The following KCNT2 variants were observed in gnomAD, a reference collection of about 807,000 sequenced individuals.
The protein encoded by KCNT2 is potassium sodium-activated channel subfamily T member 2.
Under a neutral mutation model 153.8 loss-of-function variants are expected in KCNT2, and 67 were observed. The ratio of observed to expected loss-of-function variants is 0.44; its 90% CI spans 0.36 to 0.53. The LOEUF (loss-of-function observed/expected upper bound fraction) is 0.53, where lower values mean the gene tolerates loss of function less well. KCNT2 is among the 20% of genes least tolerant of loss of function. The pLI, the probability that KCNT2 is intolerant of heterozygous loss-of-function variation, is 0.00. For missense variants in KCNT2, 975 were observed against 1,354.8 expected (o/e 0.72, Z 4.40); for synonymous variants, 500 against 458.8 (o/e 1.09, Z -1.15).
At chr1:196,329,054 A>T (rs1173845318) in intron 18 of KCNT2, among the ~76,000 whole-genome samples, 1 of 152,146 alleles carries the variant, frequency 6.6e-6, no homozygotes, top group Non-Finnish European at 1.5e-5. Context: ...TTCCCTAAGG[A>T]GATTTAGAAA....
chr1:196,479,776 C>T (rs993570974), intron 4 of KCNT2, among the ~76,000 whole-genome samples: 4 of 152,166 alleles, frequency 2.6e-5, no homozygotes, highest in African/African-American at 9.7e-5. Context: ...CACTCTATCC[C>T]AGAAGCATGA....
Position 196,227,320 on chromosome 1 carries a change from T to C in KCNT2, c.*904A>G, listed in dbSNP as rs1039806863. ...AAAGAATTTTTCTAGTGAAATTTAC[T>C]ATATAGATATATGAATAGGAAAGAT... On this transcript the variant is annotated 3_prime_UTR_variant, in exon 28 of 28. Transcript: ENST00000294725. 6.6e-6 allele frequency: 1 copy of C among 152,068 alleles called. No homozygotes were observed. Among genetic ancestry groups the C allele is most frequent in the Non-Finnish European group, 1.5e-5 (1 of 67,910 alleles). The allele number at this position is 152,068 out of a possible 1,614,324, so 9.4% of individuals were successfully genotyped here. A position where few individuals can be genotyped will look rare whatever the true frequency, so the allele number is the denominator to read the frequency against.
chr1:196,283,386 G>A (rs1273387537), intron 23 of KCNT2, among the ~76,000 whole-genome samples: 1 of 152,022 alleles, frequency 6.6e-6, no homozygotes, highest in Non-Finnish European at 1.5e-5. Context: ...AGTGAGCCAA[G>A]ACCACGCCAC....
chr1:196,505,311 A>G (rs185653215), intron 1 of KCNT2, among the ~76,000 whole-genome samples: 8,797 of 152,256 alleles, frequency 0.058, 396 homozygotes, highest in Non-Finnish European at 0.085. Flanking sequence ...ATGGCTAACC[A>G]GTTTTCCCGG....
intron 13 of KCNT2, among the ~76,000 whole-genome samples, chr1:196,381,769 AAC>A (rs1491512965): frequency 2.4e-4 from 36 of 152,114 alleles, no homozygotes; most frequent in African/African-American, 6.8e-4. Context: ...TGACTGAGAA[AAC>A]ACAACCACCA....
At chr1:196,276,440 A>G (rs1056827975) in intron 25 of KCNT2, among the ~76,000 whole-genome samples, 1 of 152,028 alleles carries the variant, frequency 6.6e-6, no homozygotes, top group Non-Finnish European at 1.5e-5. Context: ...AATTTAAAAC[A>G]TTGAGATGCA....
intron 1 of KCNT2, among the ~76,000 whole-genome samples, chr1:196,528,862 A>G (rs1654581740): frequency 6.6e-6 from 1 of 152,166 alleles, no homozygotes; most frequent in African/African-American, 2.4e-5. Context: ...AGCTATTCTA[A>G]TCATTCAAGG....
intron 8 of KCNT2, among the ~76,000 whole-genome samples, chr1:196,453,412 C>A (rs1676390491): frequency 6.6e-6 from 1 of 151,908 alleles, no homozygotes. Context: ...ATACTGACAA[C>A]TTCATCATTT....
chr1:196,262,511 T>A (rs971267048), intron 25 of KCNT2, among the ~76,000 whole-genome samples: 1 of 151,972 alleles, frequency 6.6e-6, no homozygotes. Context: ...TTATCTGATA[T>A]TTTCCATTAA....
chr1:196,262,439 TAAA>T (rs781118954), intron 25 of KCNT2, among the ~76,000 whole-genome samples: 11 of 152,020 alleles, frequency 7.2e-5, no homozygotes, highest in Non-Finnish European at 1.5e-4. Context: ...GAATTGTTGT[TAAA>T]GAAGAAAAGA....
Position 196,258,418 on chromosome 1 carries a change from T to C in KCNT2, c.2987A>G (p.His996Arg). ...SKEQGHHRSN[H>R]RNSTSSDQSD... is the part of the protein sequence containing the mutation. Reference sequence around the variant, plus strand: ...CTGATCACTGGATGTTGAGTTGCGGTGGTTGCTGCGGTGGTGCCCTTGTTC... The same window carrying C: ...CTGATCACTGGATGTTGAGTTGCGGCGGTTGCTGCGGTGGTGCCCTTGTTC... Residue 996 changes from histidine to arginine, a missense_variant, in exon 26 of 28, where the codon CAC becomes CGC. His to Arg is a conservative substitution (Grantham distance 29, BLOSUM62 0). Around this residue, in one of 6 missense-constraint regions of KCNT2, gnomAD observed 241 missense variants for 271.1 expected, o/e 0.89. Transcript: ENST00000294725. 1 of 1,613,510 alleles carries C rather than the reference T, an allele frequency of 6.2e-7. No homozygotes were observed. Among genetic ancestry groups the C allele is most frequent in the Non-Finnish European group, 8.5e-7 (1 of 1,179,558 alleles).
intron 18 of KCNT2, among the ~76,000 whole-genome samples, chr1:196,329,212 C>T (rs1185859086): frequency 6.6e-6 from 1 of 152,020 alleles, no homozygotes; most frequent in Non-Finnish European, 1.5e-5. Context: ...ACAGTAGAGT[C>T]AGCTGCATAA....
At chr1:196,516,117 C>T (rs528814815) in intron 1 of KCNT2, among the ~76,000 whole-genome samples, 2 of 152,186 alleles carry the variant, frequency 1.3e-5, no homozygotes, top group South Asian at 2.1e-4. Context: ...AGGGGCTGAG[C>T]AGCATTGGTC....
chr1:196,472,750 T>C (rs1038856433), intron 5 of KCNT2, among the ~76,000 whole-genome samples: 2 of 152,224 alleles, frequency 1.3e-5, no homozygotes, highest in African/African-American at 4.8e-5. Context: ...TACTATAATT[T>C]ATCAATAAGA....
chr1:196,318,299 T>C (rs1384114960), intron 20 of KCNT2, among the ~76,000 whole-genome samples: 5 of 151,750 alleles, frequency 3.3e-5, no homozygotes, highest in Non-Finnish European at 7.4e-5. Flanking sequence ...AAGAAAGATT[T>C]CAAATACAAG....
intron 1 of KCNT2, among the ~76,000 whole-genome samples, chr1:196,517,110 G>A (rs922573712): frequency 1.3e-5 from 2 of 152,088 alleles, no homozygotes; most frequent in African/African-American, 4.8e-5. Context: ...GGGAGTCCAC[G>A]GCAACCAGAG....
intron 1 of KCNT2, among the ~76,000 whole-genome samples, chr1:196,589,274 T>TGC: frequency 6.6e-6 from 1 of 151,890 alleles, no homozygotes; most frequent in South Asian, 2.1e-4. Context: ...AGTGTGTGTG[T>TGC]GTGTGCACAC....
chr1:196,327,361 T>A (rs949023621), intron 18 of KCNT2, among the ~76,000 whole-genome samples: 2 of 151,052 alleles, frequency 1.3e-5, no homozygotes, highest in African/African-American at 4.9e-5. Context: ...TACATGCATA[T>A]TTGAGCTGGC....
At chr1:196,512,945 G>C (rs1260483268) in intron 1 of KCNT2, among the ~76,000 whole-genome samples, 1 of 152,066 alleles carries the variant, frequency 6.6e-6, no homozygotes, top group Non-Finnish European at 1.5e-5. Flanking sequence ...GTGATGTATA[G>C]TGACACAGAA....
Sources: gnomAD v4.1 joint callset for allele counts (sites outside exome capture counted in the v4.1 genomes callset) on GRCh38, gnomAD v4.1.1 for gene constraint, gnomAD v4.1.1 regional missense constraint, MANE v1.5 for transcripts, NCBI Gene and HGNC (gene_info 2026-07-23, HGNC 2026-07-21) for gene names.